The following PCDHGB1 variants were observed in gnomAD, a reference collection of about 807,000 sequenced individuals.
PCDHGB1 encodes the protein protocadherin gamma-B1.
Under a neutral mutation model 56.6 loss-of-function variants are expected in PCDHGB1, and 34 were observed. The observed-to-expected ratio is 0.60, with a 90% CI of 0.46 to 0.80. The LOEUF (loss-of-function observed/expected upper bound fraction) is 0.80, where lower values mean the gene tolerates loss of function less well. Ranked by LOEUF, PCDHGB1 falls within the 30% of genes least tolerant of loss-of-function variation. The pLI is 0.00. For synonymous variants in PCDHGB1, 561 were observed against 505.9 expected (o/e 1.11, Z -1.46); for missense variants, 1,278 against 1,204.6 (o/e 1.06, Z -0.90).
chr5:141,384,739 C>A (rs1484877981), intron 1 of PCDHGB1: 1 of 1,613,938 alleles, frequency 6.2e-7, no homozygotes, highest in African/African-American at 1.3e-5. Context: ...GGCCAGCGAG[C>A]CAGGACTCTT....
intron 1 of PCDHGB1, among the ~76,000 whole-genome samples, chr5:141,369,378 T>A (rs866878162): frequency 6.6e-6 from 1 of 151,988 alleles, no homozygotes; most frequent in Admixed American, 6.6e-5. Context: ...TTTGTAAAAG[T>A]TTTTCATTTG....
chr5:141,479,731 G>C (rs1176632022), intron 1 of PCDHGB1: 1 of 152,216 alleles, frequency 6.6e-6, no homozygotes, highest in East Asian at 1.9e-4. Context: ...TTTTTCTTAA[G>C]TATATGCACA....
chr5:141,490,317 C>A lies in PCDHGB1; in HGVS notation c.2410-4490C>A, dbSNP rs2233604. ...TATTGGCCTCTTTGGCCAACCCTGT[C>A]CTAGAGAGCACACCAGTGGGCACAG... On this transcript the variant is annotated intron_variant, in intron 1 of 3. Coordinates refer to ENST00000523390, the MANE Select transcript of PCDHGB1 (RefSeq NM_018922.3). The surrounding 1 kb of genome is among the most constrained non-coding windows in gnomAD (Gnocchi z 5.4). 32,069 of 1,614,158 alleles carry A rather than the reference C, an allele frequency of 0.02. 521 individuals carry two copies. Among genetic ancestry groups the A allele is most frequent in the African/African-American group, 0.081 (6,098 of 75,022 alleles).
At chr5:141,370,625 G>T (rs984746872) in intron 1 of PCDHGB1, 1 of 1,613,980 alleles carries the variant, frequency 6.2e-7, no homozygotes, top group Non-Finnish European at 8.5e-7. Context: ...TCTTTACCGT[G>T]AGCCCCGAAA....
In PCDHGB1 at chr5:141,512,843, T is replaced by G. The variant is rs2099884463; in HGVS notation, c.*1670T>G. ...CCCTCCCCCGTACTGACTTCTCCTATAAGCGCTTCTCTTCGCATAGTCACG... is the reference window on the plus strand; with the variant it reads ...CCCTCCCCCGTACTGACTTCTCCTAGAAGCGCTTCTCTTCGCATAGTCACG... On this transcript the variant is annotated 3_prime_UTR_variant, in exon 4 of 4. Coordinates refer to ENST00000523390, the MANE Select transcript of PCDHGB1 (RefSeq NM_018922.3). 6.6e-6 allele frequency: 1 copy of G among 152,290 alleles called. No individual in the cohort carries two copies. The highest frequency in any genetic ancestry group is 1.5e-5 in the Non-Finnish European group (1 of 68,088). 9.4% of individuals were successfully genotyped at this position (152,290 alleles called of 1,614,324 possible).
chr5:141,399,597 C>T, intron 1 of PCDHGB1: 1 of 1,613,958 alleles, frequency 6.2e-7, no homozygotes, highest in Non-Finnish European at 8.5e-7. Flanking sequence ...TCATGGCCAG[C>T]GACCTAGAGC....
chr5:141,476,366 G>T lies in PCDHGB1; in HGVS notation c.2410-18441G>T, dbSNP rs1025903110. The T allele has an allele frequency of 6.2e-7, 1 of 1,614,026 alleles. No individual in the cohort carries two copies. The highest frequency in any genetic ancestry group is 8.5e-7 in the Non-Finnish European group (1 of 1,180,028). On this transcript the variant is annotated intron_variant, in intron 1 of 3. Coordinates refer to ENST00000523390, the MANE Select transcript of PCDHGB1 (RefSeq NM_018922.3). The surrounding 1 kb of genome is among the most constrained non-coding windows in gnomAD (Gnocchi z 7.6). The stretch of plus-strand genomic sequence containing the variant: ...ATTCTTTGAGGTGAACCGGGAGACC[G>T]GAGAGATGTTTGTGAACGACCGTCT...
chr5:141,384,847 G>A (rs781186343), intron 1 of PCDHGB1: 9 of 1,613,590 alleles, frequency 5.6e-6, no homozygotes, highest in Admixed American at 3.3e-5. Flanking sequence ...CCAGGACCAC[G>A]GTCAGCCTCC....
At chr5:141,461,251 A>G (rs925406409) in intron 1 of PCDHGB1, among the ~76,000 whole-genome samples, 1 of 152,156 alleles carries the variant, frequency 6.6e-6, no homozygotes, top group Non-Finnish European at 1.5e-5. Flanking sequence ...TTATATTCCC[A>G]GCAGCAATGT....
At position 141,351,179 on chromosome 5, in the gene PCDHGB1, G is replaced by A. The variant is rs549882944; in HGVS notation, c.919G>A (p.Glu307Lys). The change falls in exon 1 of 4, where the codon GAG becomes AAG. Residue 307 changes from glutamate to lysine, a missense_variant. Transcript: ENST00000523390. ...AACCAATGGCACATTGGATTTTGAAGAGACAAGTAGATATGTGTTGAGTGT... is the reference window on the plus strand; with the variant it reads ...AACCAATGGCACATTGGATTTTGAAAAGACAAGTAGATATGTGTTGAGTGT... Reference protein sequence around the residue: ...ITTNGTLDFEETSRYVLSVEA... With the variant: ...ITTNGTLDFEKTSRYVLSVEA... The A allele has an allele frequency of 2.5e-6, 4 of 1,614,042 alleles. No individual in the cohort carries two copies. The South Asian group carries it at 4.4e-5, about 18-fold the overall frequency.
At chr5:141,415,700 A>G (rs1213224503) in intron 1 of PCDHGB1, 1 of 1,515,570 alleles carries the variant, frequency 6.6e-7, no homozygotes, top group East Asian at 2.5e-5. Flanking sequence ...GAAAGTGTAA[A>G]TGCTAAAACA....
chr5:141,418,985 T>C, intron 1 of PCDHGB1: 1 of 1,613,882 alleles, frequency 6.2e-7, no homozygotes, highest in Non-Finnish European at 8.5e-7. Context: ...GGACCAAGAC[T>C]CAGGGGAAAA....
At chr5:141,484,958 G>T in intron 1 of PCDHGB1, 1 of 575,874 alleles carries the variant, frequency 1.7e-6, no homozygotes. Flanking sequence ...TATTGGCTGA[G>T]CCCGGGAGCC....
At chr5:141,360,787 G>A (rs758998647) in intron 1 of PCDHGB1, 14 of 1,613,764 alleles carry the variant, frequency 8.7e-6, no homozygotes, top group African/African-American at 1.3e-5. Flanking sequence ...TGTGGATGGC[G>A]GAGACCCACC....
intron 1 of PCDHGB1, chr5:141,355,314 G>C: frequency 6.2e-7 from 1 of 1,613,954 alleles, no homozygotes; most frequent in Non-Finnish European, 8.5e-7. Context: ...TGTTTGAGGA[G>C]CAGGAAGAAG....
At chr5:141,415,884 A>C in intron 1 of PCDHGB1, 1 of 981,534 alleles carries the variant, frequency 1.0e-6, no homozygotes, top group Non-Finnish European at 1.4e-6. Context: ...TACAATATTG[A>C]CAATTCCTAA....
At chr5:141,444,129 T>C (rs897901109) in intron 1 of PCDHGB1, among the ~76,000 whole-genome samples, 3 of 147,096 alleles carry the variant, frequency 2.0e-5, no homozygotes, top group African/African-American at 5.0e-5. Context: ...TCTCAACAGA[T>C]ATGTGTCACT....
chr5:141,415,750 T>G lies in PCDHGB1; in HGVS notation c.2409+63081T>G, dbSNP rs758016978. 309 of 1,313,170 alleles carry G rather than the reference T, an allele frequency of 2.4e-4. No individual in the cohort carries two copies. In the East Asian group the frequency reaches 2.9e-3, roughly 12 times the overall value. 81.3% of individuals were successfully genotyped at this position (1,313,170 alleles called of 1,614,324 possible). On this transcript the variant is annotated intron_variant, in intron 1 of 3. Coordinates refer to ENST00000523390, the MANE Select transcript of PCDHGB1 (RefSeq NM_018922.3). Reference sequence around the variant, plus strand: ...TTGATGTTTATTAAGGTTTTTTTTTTTTTTTTTTTTTTTTTTTTTTTTACT... The same window carrying G: ...TTGATGTTTATTAAGGTTTTTTTTTGTTTTTTTTTTTTTTTTTTTTTTACT...
At chr5:141,355,370 G>C (rs756032397) in intron 1 of PCDHGB1, 2 of 1,614,036 alleles carry the variant, frequency 1.2e-6, no homozygotes, top group Non-Finnish European at 1.7e-6. Flanking sequence ...TTGGCGCCCC[G>C]GGAGCTGGCG....
Sources: gnomAD v4.1 joint callset for allele counts (sites outside exome capture counted in the v4.1 genomes callset) on GRCh38, gnomAD v4.1.1 for gene constraint, Gnocchi (gnomAD v3.1) non-coding constraint, MANE v1.5 for transcripts, NCBI Gene and HGNC (gene_info 2026-07-23, HGNC 2026-07-21) for gene names.